Variants in FAF1 observed in about 807,000 individuals in gnomAD.
FAF1 encodes FAS-associated factor 1.
Under a neutral mutation model 92.5 loss-of-function variants are expected in FAF1, and 25 were observed. That is an observed-to-expected ratio of 0.27 (90% CI 0.20 to 0.38). The LOEUF (loss-of-function observed/expected upper bound fraction) is 0.38. FAF1 is among the 10% of genes least tolerant of loss of function. The pLI, the probability that FAF1 is intolerant of heterozygous loss-of-function variation, is 1.00. For synonymous variants in FAF1, 234 were observed against 273.2 expected, an observed-to-expected ratio of 0.86 and a Z score of 1.42; for missense variants, 636 against 793.3, an observed-to-expected ratio of 0.80 and a Z score of 2.38.
chr1:50,720,897 C>G (rs991371850), intron 6 of FAF1, among the ~76,000 whole-genome samples: 16 of 152,292 alleles, frequency 1.1e-4, no homozygotes, highest in African/African-American at 3.8e-4. Flanking sequence ...TTGTATCATA[C>G]CATCCACCAG....
At chr1:50,594,741 G>C (rs888713144) in intron 9 of FAF1, among the ~76,000 whole-genome samples, 9 of 150,920 alleles carry the variant, frequency 6.0e-5, no homozygotes, top group African/African-American at 1.9e-4. Context: ...CGTGGTGGCG[G>C]GCACCTGTAG....
chr1:50,617,662 C>A (rs1652986102), intron 8 of FAF1, among the ~76,000 whole-genome samples: 1 of 148,140 alleles, frequency 6.8e-6, no homozygotes, highest in Non-Finnish European at 1.5e-5. Context: ...GGCCTCACAG[C>A]ATGAGCTAGG....
chr1:50,942,873 G>C (rs1035415534), intron 1 of FAF1, among the ~76,000 whole-genome samples: 1 of 152,002 alleles, frequency 6.6e-6, no homozygotes, highest in African/African-American at 2.4e-5. Flanking sequence ...CTGTGCTTAG[G>C]GAATGTGAAT....
At chr1:50,681,801 G>A (rs1275278804) in intron 7 of FAF1, among the ~76,000 whole-genome samples, 3 of 151,556 alleles carry the variant, frequency 2.0e-5, no homozygotes, top group Non-Finnish European at 2.9e-5. Flanking sequence ...TTACAAGCAT[G>A]AGCCACTGTT....
chr1:50,705,687 A>G (rs1312583119), intron 7 of FAF1, 99 bp downstream of exon 7: 2 of 595,612 alleles, frequency 3.4e-6, no homozygotes, highest in South Asian at 2.6e-5. Context: ...AATGAAACAT[A>G]AAGAGAATTT....
chr1:50,491,397 A>C (rs1261243179), intron 16 of FAF1, among the ~76,000 whole-genome samples: 2 of 152,180 alleles, frequency 1.3e-5, no homozygotes, highest in African/African-American at 4.8e-5. Context: ...GTATTCAATA[A>C]ATCAATAGTT....
Position 50,612,706 on chromosome 1 carries a change from C to T in FAF1, c.745-16490G>A, listed in dbSNP as rs539358410. Among the ~76,000 whole-genome samples the T allele has an allele frequency of 1.2e-4, 19 of 152,296 alleles. No individual in the cohort carries two copies. In the East Asian group the frequency reaches 1.9e-3, roughly 15 times the overall value. ...GACATAGTGCTGCTGGGCATCTTGT[C>T]CTGGCTTTTCCTCCTAGGAAAAAAG... is the stretch of plus-strand genomic sequence containing the variant. On this transcript the variant is annotated intron_variant, in intron 8 of 18. Coordinates refer to ENST00000396153, the MANE Select transcript of FAF1 (RefSeq NM_007051.3).
At chr1:50,561,276 C>T (rs555383816) in intron 13 of FAF1, among the ~76,000 whole-genome samples, 1 of 152,106 alleles carries the variant, frequency 6.6e-6, no homozygotes, top group Non-Finnish European at 1.5e-5. Flanking sequence ...TGAGCGTACA[C>T]CATGACATTC....
rs55770483 is a variant in FAF1, at chr1:50,818,443, C to A, written c.115-16766G>T. ...AAAATGTCTACCAAAGACCAGTATA[C>A]AAATATTCGTACCGGATACAACCAA... On this transcript the variant is annotated intron_variant, in intron 2 of 18. Transcript: ENST00000396153. 7.7e-3 allele frequency among the ~76,000 whole-genome samples: 1,175 copies of A among 152,232 alleles called. 13 individuals are homozygous for A. Among genetic ancestry groups the A allele is most frequent in the African/African-American group, 0.027 (1,135 of 41,536 alleles).
At chr1:50,659,863 G>A (rs1655296601) in intron 7 of FAF1, among the ~76,000 whole-genome samples, 1 of 152,134 alleles carries the variant, frequency 6.6e-6, no homozygotes, top group Admixed American at 6.5e-5. Context: ...GTTTGCAACT[G>A]AGAAAATATA....
chr1:50,742,312 T>G (rs1360454579), intron 5 of FAF1, among the ~76,000 whole-genome samples: 1 of 147,456 alleles, frequency 6.8e-6, no homozygotes, highest in Non-Finnish European at 1.5e-5. Context: ...AGAACTCATC[T>G]CATAAAAAGA....
intron 7 of FAF1, among the ~76,000 whole-genome samples, chr1:50,701,437 A>T (rs1657470460): frequency 6.6e-6 from 1 of 152,132 alleles, no homozygotes; most frequent in Admixed American, 6.6e-5. Context: ...ACATTTACAG[A>T]AAGGCCATGT....
At chr1:50,714,408 G>C (rs1050058351) in intron 6 of FAF1, among the ~76,000 whole-genome samples, 166 of 151,882 alleles carry the variant, frequency 1.1e-3, no homozygotes, top group African/African-American at 3.7e-3. Context: ...AGCTACGCAG[G>C]AGGCTGAGGC....
At chr1:50,474,372 A>G (rs1211042783) in intron 18 of FAF1, among the ~76,000 whole-genome samples, 1 of 151,946 alleles carries the variant, frequency 6.6e-6, no homozygotes, top group Non-Finnish European at 1.5e-5. Flanking sequence ...TTCGTTTTTC[A>G]GCATGAAGCC....
chr1:50,558,594 A>G (rs995414026), intron 13 of FAF1, among the ~76,000 whole-genome samples: 2 of 152,248 alleles, frequency 1.3e-5, no homozygotes, highest in African/African-American at 2.4e-5. Flanking sequence ...CAACAGACTT[A>G]TAAGAAAGAT....
intron 1 of FAF1, among the ~76,000 whole-genome samples, chr1:50,887,501 T>C (rs1391029373): frequency 1.3e-5 from 2 of 152,230 alleles, no homozygotes; most frequent in African/African-American, 2.4e-5. Context: ...AGGGTTTTTA[T>C]GGTTTTAGGT....
chr1:50,514,003 C>G (rs1647172859), intron 15 of FAF1, among the ~76,000 whole-genome samples: 1 of 152,148 alleles, frequency 6.6e-6, no homozygotes, highest in Non-Finnish European at 1.5e-5. Context: ...GGGTAGCAGA[C>G]TGTTATGGAA....
chr1:50,908,346 C>T (rs1644856391), intron 1 of FAF1, among the ~76,000 whole-genome samples: 1 of 152,192 alleles, frequency 6.6e-6, no homozygotes, highest in South Asian at 2.1e-4. Context: ...AATGTATATT[C>T]TGCTGACCTG....
chr1:50,573,184 C>T (rs1309600383), intron 12 of FAF1, among the ~76,000 whole-genome samples: 3 of 151,834 alleles, frequency 2.0e-5, no homozygotes, highest in South Asian at 2.1e-4. Flanking sequence ...CTGCAAACTC[C>T]GCCTCCTGGG....
Sources: gnomAD v4.1 joint callset for allele counts (sites outside exome capture counted in the v4.1 genomes callset) on GRCh38, gnomAD v4.1.1 for gene constraint, MANE v1.5 for transcripts, NCBI Gene and HGNC (gene_info 2026-07-23, HGNC 2026-07-21) for gene names.